CPNE4: variants seen among roughly 807,000 people sequenced by gnomAD.
CPNE4 encodes copine 4.
A neutral mutation model predicts 67.9 loss-of-function variants in CPNE4; 25 were observed. That is an observed-to-expected ratio of 0.37 (90% confidence interval 0.27 to 0.51). CPNE4 has a LOEUF of 0.51. Among genes scored for constraint, CPNE4 ranks in the 20% least tolerant of loss-of-function variants. The pLI, the probability that CPNE4 is intolerant of heterozygous loss-of-function variation, is 0.93. For missense variants in CPNE4, 464 were observed against 690.8 expected, an observed-to-expected ratio of 0.67 and a Z score of 3.68; for synonymous variants, 242 against 244.9, an observed-to-expected ratio of 0.99 and a Z score of 0.11.
chr3:131,860,584 T>G (rs1411497294), intron 2 of CPNE4, among the ~76,000 whole-genome samples: 9 of 152,176 alleles, frequency 5.9e-5, no homozygotes, highest in Non-Finnish European at 7.4e-5. Context: ...GAAAACAGTG[T>G]GAACAAGTTG....
Position 131,958,609 on chromosome 3 carries a change from C to CTTTTTTTTTTTTTTTTTTTTT in CPNE4, c.-1-53186_-1-53166dup, listed in dbSNP as rs748126986. ...CAATTGATACACCTTTCTTTCTTTT[C>CTTTTTTTTTTTTTTTTTTTTT]TTTTTTTTTTTTTTTTTTTTTTTTT... On this transcript the variant is annotated intron_variant, in intron 1 of 15. Transcript: ENST00000429747. 6.3e-5 allele frequency among the ~76,000 whole-genome samples: 6 copies of CTTTTTTTTTTTTTTTTTTTTT among 95,998 alleles called. 1 individual carries two copies. The highest frequency in any genetic ancestry group is 3.0e-4 in the African/African-American group (6 of 20,050). The allele number at this position is 95,998 out of a possible 152,430, so 63.0% of individuals were successfully genotyped here.
chr3:131,713,366 G>A (rs1266118395), intron 3 of CPNE4, among the ~76,000 whole-genome samples: 1 of 152,160 alleles, frequency 6.6e-6, no homozygotes, highest in Non-Finnish European at 1.5e-5. Context: ...ATCTATGACT[G>A]AACGACATCT....
At chr3:132,034,139 C>CA (rs1316733895) in intron 1 of CPNE4, among the ~76,000 whole-genome samples, 1 of 152,170 alleles carries the variant, frequency 6.6e-6, no homozygotes, top group Non-Finnish European at 1.5e-5. Context: ...GAAGGGACTA[C>CA]AATGTCCCAC....
Position 131,696,611 on chromosome 3 carries a change from A to G in CPNE4, c.438T>C (p.Ile146=). ...NTAGKSSITV[I]AEELSGNDDY... ...CGTCATTGCCAGATAATTCTTCAGC[A>G]ATCACCTAAAGGAAAAAGCACACAT... Residue 146 remains isoleucine, a synonymous_variant, in exon 5 of 16, where the codon ATT becomes ATC. Coordinates refer to ENST00000429747, the MANE Select transcript of CPNE4 (RefSeq NM_130808.3). 6.2e-7 allele frequency: 1 copy of G among 1,614,002 alleles called. No homozygotes were observed. Among genetic ancestry groups the G allele is most frequent in the East Asian group, 2.2e-5 (1 of 44,868 alleles).
intron 7 of CPNE4, among the ~76,000 whole-genome samples, chr3:131,663,820 T>C (rs926946065): frequency 1.3e-5 from 2 of 152,174 alleles, no homozygotes; most frequent in Non-Finnish European, 2.9e-5. Flanking sequence ...GGGCCTCCTT[T>C]CACCCCTTAG....
intron 2 of CPNE4, among the ~76,000 whole-genome samples, chr3:131,811,401 T>A (rs1347446312): frequency 6.6e-6 from 1 of 152,104 alleles, no homozygotes; most frequent in African/African-American, 2.4e-5. Context: ...TATATAAAGA[T>A]GTTTTCCTAT....
intron 1 of CPNE4, among the ~76,000 whole-genome samples, chr3:131,943,437 C>A (rs1008976559): frequency 1.3e-5 from 2 of 152,124 alleles, no homozygotes; most frequent in Non-Finnish European, 2.9e-5. Context: ...TATCACAGGA[C>A]CTGATACAGA....
intron 4 of CPNE4, 111 bp from the exon 5 acceptor site, chr3:131,696,727 G>T: frequency 1.0e-6 from 1 of 953,558 alleles, no homozygotes; most frequent in South Asian, 1.4e-5. Context: ...GACAAATGTT[G>T]GGCAAAGAGT....
At chr3:132,021,706 G>A (rs2074000188) in intron 1 of CPNE4, among the ~76,000 whole-genome samples, 1 of 152,054 alleles carries the variant, frequency 6.6e-6, no homozygotes, top group African/African-American at 2.4e-5. Context: ...CCTTTTTTGG[G>A]CTGCAGACTT....
At chr3:131,735,434 T>C (rs1423397615) in intron 2 of CPNE4, among the ~76,000 whole-genome samples, 1 of 152,246 alleles carries the variant, frequency 6.6e-6, no homozygotes, top group African/African-American at 2.4e-5. Flanking sequence ...TAAACTGTTC[T>C]GCAGTCAAAT....
At position 131,739,172 on chromosome 3, in the gene CPNE4, C is replaced by T. The variant is rs189573347; in HGVS notation, c.181-15547G>A. On this transcript the variant is annotated intron_variant, in intron 2 of 15. Transcript: ENST00000429747. ...AGCTAATTCCTGGAGACAGTAAAAGCTCACCTGCAGAGCCAAACAAACCAG... is the reference window on the plus strand; with the variant it reads ...AGCTAATTCCTGGAGACAGTAAAAGTTCACCTGCAGAGCCAAACAAACCAG... Among the ~76,000 whole-genome samples, 326 of 152,298 alleles carry T rather than the reference C, an allele frequency of 2.1e-3. 1 individual carries two copies. Among genetic ancestry groups the T allele is most frequent in the Middle Eastern group, 3.4e-3 (1 of 294 alleles).
intron 2 of CPNE4, among the ~76,000 whole-genome samples, chr3:131,771,332 C>G (rs935614467): frequency 1.3e-5 from 2 of 152,104 alleles, no homozygotes; most frequent in Non-Finnish European, 2.9e-5. Context: ...GTTTGACCCT[C>G]CAAACCTCAT....
intron 2 of CPNE4, among the ~76,000 whole-genome samples, chr3:131,806,545 G>A (rs553932241): frequency 0.012 from 1,415 of 116,266 alleles, 11 homozygotes; most frequent in Middle Eastern, 0.018. Flanking sequence ...GTGAGACTCC[G>A]TCTCAAAAAA....
intron 2 of CPNE4, among the ~76,000 whole-genome samples, chr3:131,855,900 A>T (rs1035787035): frequency 1.3e-5 from 2 of 152,002 alleles, no homozygotes; most frequent in Non-Finnish European, 2.9e-5. Flanking sequence ...TTAATATAAA[A>T]TAAAATTTAT....
intron 2 of CPNE4, among the ~76,000 whole-genome samples, chr3:131,824,549 G>A (rs6801324): frequency 0.032 from 4,818 of 151,936 alleles, 180 homozygotes; most frequent in South Asian, 0.095. Flanking sequence ...AAGACCAGTC[G>A]GCGGTCTATT....
At chr3:131,664,494 T>C (rs7629073) in intron 7 of CPNE4, among the ~76,000 whole-genome samples, 2,349 of 152,326 alleles carry the variant, frequency 0.015, 65 homozygotes, top group African/African-American at 0.053. Context: ...TTTCCTTTAG[T>C]GTCTCAGACC....
At position 131,626,333 on chromosome 3, in the gene CPNE4, A is replaced by G. The variant is rs1423519890; in HGVS notation, c.682-38751T>C. ...AAACGCTTAGTCAAGTTGTTAATAC[A>G]ATAAACAAATTCTTGAAGAAAATTA... On this transcript the variant is annotated intron_variant, in intron 7 of 15. Coordinates refer to ENST00000429747, the MANE Select transcript of CPNE4 (RefSeq NM_130808.3). 2.0e-5 allele frequency among the ~76,000 whole-genome samples: 3 copies of G among 152,252 alleles called. No homozygotes were observed. The East Asian group carries it at 5.8e-4, about 29-fold the overall frequency.
At chr3:131,701,163 C>A (rs2081291204) in intron 3 of CPNE4, among the ~76,000 whole-genome samples, 1 of 151,414 alleles carries the variant, frequency 6.6e-6, no homozygotes, top group Non-Finnish European at 1.5e-5. Context: ...TTAATGGGTG[C>A]AGCACATCAA....
intron 1 of CPNE4, among the ~76,000 whole-genome samples, chr3:131,997,137 T>G (rs1442230648): frequency 6.6e-6 from 1 of 152,174 alleles, no homozygotes; most frequent in African/African-American, 2.4e-5. Context: ...GGCCCATAGA[T>G]TACAGCATCT....
Sources: allele counts gnomAD v4.1 joint callset (sites outside exome capture counted in the v4.1 genomes callset), GRCh38; gene constraint gnomAD v4.1.1; transcripts MANE v1.5; gene names NCBI Gene and HGNC (gene_info 2026-07-23, HGNC 2026-07-21).